The following GLYR1 variants were observed in gnomAD, a reference collection of about 807,000 sequenced individuals.
The protein encoded by GLYR1 is cytokine-like nuclear factor N-PAC.
GLYR1 carries 21 observed loss-of-function variants against 72.7 expected under a neutral mutation model. The observed-to-expected ratio is 0.29, with a 90% CI of 0.20 to 0.42. The LOEUF (loss-of-function observed/expected upper bound fraction) is 0.42. Ranked by LOEUF, GLYR1 falls within the 10% of genes least tolerant of loss-of-function variation. The probability of loss-of-function intolerance (pLI) is 1.00; values close to 1 mark genes in which losing one functional copy is unlikely to be tolerated. For missense variants in GLYR1, 594 were observed against 712.1 expected (o/e 0.83, Z 1.89); for synonymous variants, 392 against 270.2 (o/e 1.45, Z -4.42).
At chr16:4,841,552 G>C (rs1015798135) in intron 3 of GLYR1, among the ~76,000 whole-genome samples, 3 of 151,558 alleles carry the variant, frequency 2.0e-5, no homozygotes, top group African/African-American at 7.3e-5. Context: ...TGCTGAGGTG[G>C]GAGGATTACC....
chr16:4,820,428 G>GT (rs750501211), intron 9 of GLYR1, among the ~76,000 whole-genome samples: 5 of 152,188 alleles, frequency 3.3e-5, no homozygotes, highest in South Asian at 2.1e-4. Context: ...TTTATTAAAA[G>GT]TTTGACTAAT....
chr16:4,808,391 G>C (rs1053767035), intron 15 of GLYR1, among the ~76,000 whole-genome samples: 2 of 152,166 alleles, frequency 1.3e-5, no homozygotes, highest in South Asian at 2.1e-4. Context: ...GAGGTCAGGA[G>C]TTTGAGACCA....
intron 5 of GLYR1, among the ~76,000 whole-genome samples, chr16:4,828,346 G>T (rs1170002689): frequency 2.6e-5 from 4 of 152,054 alleles, no homozygotes; most frequent in Non-Finnish European, 5.9e-5. Context: ...TGGGATTACA[G>T]GCGTGAGCCA....
chr16:4,810,275 T>C (rs978930243), intron 15 of GLYR1, among the ~76,000 whole-genome samples: 1 of 127,758 alleles, frequency 7.8e-6, no homozygotes, highest in African/African-American at 2.6e-5. Flanking sequence ...GGCAGGTGGC[T>C]CTCCTGAGGT....
chr16:4,805,204 G>T lies in GLYR1; in HGVS notation c.*32C>A. On this transcript the variant is annotated 3_prime_UTR_variant, in exon 16 of 16. Coordinates refer to ENST00000321919, the MANE Select transcript of GLYR1 (RefSeq NM_032569.4). ...GTGAGGAAGAGGGGGTCAGAGGGGG[G>T]ATTGGAGGGGTGAGGGCGGGGTGTC... 1.3e-6 allele frequency: 2 copies of T among 1,595,498 alleles called. No homozygotes were observed. The highest frequency in any genetic ancestry group is 1.1e-5 in the South Asian group (1 of 90,244).
rs140937906 is a variant in GLYR1 at position 4,844,599 on chromosome 16, C to G, written c.155+475G>C. Among the ~76,000 whole-genome samples, 19 of 152,094 alleles carry G rather than the reference C, an allele frequency of 1.2e-4. No individual in the cohort carries two copies. In the East Asian group the frequency reaches 3.5e-3, roughly 28 times the overall value. ...CATCCTGGGCAACATGGTAAAACCC[C>G]CTCTACAAAAAATTAGCTGGGCATG... On this transcript the variant is annotated intron_variant, in intron 3 of 15. Coordinates refer to ENST00000321919, the MANE Select transcript of GLYR1 (RefSeq NM_032569.4).
intron 10 of GLYR1, among the ~76,000 whole-genome samples, chr16:4,816,343 A>T (rs2083641592): frequency 6.6e-6 from 1 of 151,980 alleles, no homozygotes. Context: ...ATGGAGTCTC[A>T]TGTTGTCCAG....
intron 3 of GLYR1, among the ~76,000 whole-genome samples, chr16:4,837,487 T>C (rs2085217788): frequency 6.6e-6 from 1 of 151,716 alleles, no homozygotes; most frequent in Non-Finnish European, 1.5e-5. Flanking sequence ...GATGTCAGCC[T>C]ATGACTAATC....
intron 11 of GLYR1, among the ~76,000 whole-genome samples, chr16:4,814,173 C>A (rs2083486069): frequency 1.3e-5 from 2 of 151,928 alleles, no homozygotes; most frequent in Non-Finnish European, 2.9e-5. Context: ...AATAAGATGA[C>A]TACCACACTT....
In GLYR1 at chr16:4,835,532, C is replaced by T. The variant is rs544525179; in HGVS notation, c.156-2620G>A. ...AGCATCCTGTTACATCAAAAAACAG[C>T]CATAAAAAACCAGCTTGGCTGGGCA... On this transcript the variant is annotated intron_variant, in intron 3 of 15. Coordinates refer to ENST00000321919, the MANE Select transcript of GLYR1 (RefSeq NM_032569.4). Among the ~76,000 whole-genome samples the T allele has an allele frequency of 3.9e-5, 6 of 152,254 alleles. 1 individual carries two copies. In the South Asian group the frequency reaches 1.2e-3, roughly 32 times the overall value.
At position 4,841,421 on chromosome 16, in the gene GLYR1, G is replaced by A. The variant is rs1329220950; in HGVS notation, c.155+3653C>T. Among the ~76,000 whole-genome samples, 4 of 115,348 alleles carry A rather than the reference G, an allele frequency of 3.5e-5. 1 individual carries two copies. Among genetic ancestry groups the A allele is most frequent in the South Asian group, 6.1e-4 (2 of 3,268 alleles). 75.7% of individuals were successfully genotyped at this position (115,348 alleles called of 152,430 possible). A position where few individuals can be genotyped will look rare whatever the true frequency, so the allele number is the denominator to read the frequency against. ...GGATCACTTGAGCCCAGGAGTTTGC[G>A]ACCAGCCTGGGAAACATGGCGAGAA... On this transcript the variant is annotated intron_variant, in intron 3 of 15. Coordinates refer to ENST00000321919, the MANE Select transcript of GLYR1 (RefSeq NM_032569.4).
At chr16:4,847,186 G>A (rs769227145) in intron 1 of GLYR1, 42 bp downstream of exon 1, 10 of 1,562,412 alleles carry the variant, frequency 6.4e-6, no homozygotes, top group Non-Finnish European at 8.7e-6. Context: ...CAGGCGGGTA[G>A]CTCCCCGGCG....
At chr16:4,807,106 CCTT>C (rs1279384371) in intron 15 of GLYR1, among the ~76,000 whole-genome samples, 1 of 134,468 alleles carries the variant, frequency 7.4e-6, no homozygotes, top group Non-Finnish European at 1.6e-5. Flanking sequence ...GCGCCTGGCC[CCTT>C]TTTTTTTTTT....
intron 3 of GLYR1, among the ~76,000 whole-genome samples, chr16:4,844,113 CAAA>C (rs1190119741): frequency 2.9e-5 from 2 of 69,210 alleles, no homozygotes. Context: ...AACTCCATCT[CAAA>C]AAAAAAAAAA....
chr16:4,844,891 T>C (rs565418263), intron 3 of GLYR1, among the ~76,000 whole-genome samples, 183 bp downstream of exon 3: 4 of 152,342 alleles, frequency 2.6e-5, no homozygotes, highest in Admixed American at 2.0e-4. Flanking sequence ...CCTAGGACAG[T>C]TGTCTAGGGC....
chr16:4,837,773 A>T (rs1453497501), intron 3 of GLYR1, among the ~76,000 whole-genome samples: 2 of 151,872 alleles, frequency 1.3e-5, no homozygotes, highest in African/African-American at 4.8e-5. Context: ...CTCTACTAAA[A>T]ATACAAAATT....
intron 3 of GLYR1, among the ~76,000 whole-genome samples, chr16:4,837,414 G>C (rs147153950): frequency 7.3e-5 from 11 of 151,264 alleles, no homozygotes; most frequent in African/African-American, 2.7e-4. Context: ...ATGGGCGACA[G>C]AGCAAGACTT....
At chr16:4,845,551 CTT>C (rs1450241221) in intron 2 of GLYR1, among the ~76,000 whole-genome samples, 2 of 151,924 alleles carry the variant, frequency 1.3e-5, no homozygotes, top group African/African-American at 4.8e-5. Context: ...AGACGACACT[CTT>C]TGAAATACTT....
chr16:4,811,547 G>A (rs926409451), intron 14 of GLYR1, 76 bp downstream of exon 14: 14 of 1,545,602 alleles, frequency 9.1e-6, no homozygotes, highest in South Asian at 3.4e-5. Context: ...CATCTTTCAC[G>A]CTCACTAAAT....
Sources: allele counts gnomAD v4.1 joint callset (sites outside exome capture counted in the v4.1 genomes callset), GRCh38; gene constraint gnomAD v4.1.1; transcripts MANE v1.5; gene names NCBI Gene and HGNC (gene_info 2026-07-23, HGNC 2026-07-21).